ZNF26: variants seen among roughly 807,000 people sequenced by gnomAD.
ZNF26 encodes zinc finger protein 26.
Under a neutral mutation model 54.9 loss-of-function variants are expected in ZNF26, and 32 were observed. The ratio of observed to expected loss-of-function variants is 0.58; its 90% CI spans 0.44 to 0.78. ZNF26 has a LOEUF of 0.78. Ranked by LOEUF, ZNF26 falls within the 30% of genes least tolerant of loss-of-function variation. The pLI is 0.00. For missense variants in ZNF26, 524 were observed against 634.0 expected (o/e 0.83, Z 1.86); for synonymous variants, 221 against 209.2 (o/e 1.06, Z -0.49).
chr12:132,992,575 T>A (rs926225211), intron 1 of ZNF26, among the ~76,000 whole-genome samples: 18 of 152,252 alleles, frequency 1.2e-4, no homozygotes, highest in Non-Finnish European at 2.9e-5. Context: ...GACTTGATGA[T>A]GTGGTTACAT....
At chr12:133,002,479 C>G (rs1263966765) in intron 1 of ZNF26, among the ~76,000 whole-genome samples, 1 of 152,058 alleles carries the variant, frequency 6.6e-6, no homozygotes, top group Non-Finnish European at 1.5e-5. Flanking sequence ...GAGCGAGAAG[C>G]CTTTCAGTGG....
At chr12:132,998,471 G>C (rs1953140202) in intron 1 of ZNF26, among the ~76,000 whole-genome samples, 1 of 152,060 alleles carries the variant, frequency 6.6e-6, no homozygotes, top group Non-Finnish European at 1.5e-5. Flanking sequence ...GGCCTTGCTG[G>C]AACTTTTTAA....
rs1953438070 is a variant in ZNF26, at chr12:133,010,215, A to T, written c.336A>T (p.Gly112=). The change falls in exon 4 of 4, where the codon GGA becomes GGT. Residue 112 remains glycine, a synonymous_variant. Coordinates refer to ENST00000328654, the MANE Select transcript of ZNF26 (RefSeq NM_019591.4). The part of the protein sequence containing the change: ...IERSYACSVL[G]RLNLSKTHDS... ...GAAGCTATGCTTGTAGTGTGTTGGG[A>T]AGACTTAATCTGAGCAAAACCCATG... 1 of 1,614,068 alleles carries T rather than the reference A, an allele frequency of 6.2e-7. No individual in the cohort carries two copies. The highest frequency in any genetic ancestry group is 1.3e-5 in the African/African-American group (1 of 75,022).
rs1953627123 is a variant in ZNF26, at chr12:133,020,557, T to C, written c.*9076T>C. The C allele has an allele frequency of 2.6e-5, 4 of 152,184 alleles. No individual in the cohort carries two copies. The highest frequency in any genetic ancestry group is 4.4e-5 in the Non-Finnish European group (3 of 68,024). The allele number at this position is 152,184 out of a possible 1,614,324, so 9.4% of individuals were successfully genotyped here. ...TACCTAATAACAGCACCAAAATACA[T>C]GAAGCAAAATCTGACAGAAATGAAG... On this transcript the variant is annotated 3_prime_UTR_variant, in exon 4 of 4. Coordinates refer to ENST00000328654, the MANE Select transcript of ZNF26 (RefSeq NM_019591.4).
chr12:133,010,947 A>G lies in ZNF26; in HGVS notation c.1068A>G (p.Gln356=). Residue 356 remains glutamine (Q), a synonymous_variant, in exon 4 of 4, where the codon CAA becomes CAG. Transcript: ENST00000328654. ...GGAAAGCCTTCAATATGAAGACACA[A>G]CTCATTGTACATCAGGGAGTTCACA... ...DCGKAFNMKT[Q]LIVHQGVHTG... is the part of the protein sequence containing the mutation. 11 of 1,613,798 alleles carry G rather than the reference A, an allele frequency of 6.8e-6. No homozygotes were observed. Among genetic ancestry groups the G allele is most frequent in the Non-Finnish European group, 9.3e-6 (11 of 1,179,954 alleles).
Position 133,013,110 on chromosome 12 carries a change from C to A in ZNF26, c.*1629C>A, listed in dbSNP as rs1953518020. 4 of 152,174 alleles carry A rather than the reference C, an allele frequency of 2.6e-5. No homozygotes were observed. Among genetic ancestry groups the A allele is most frequent in the African/African-American group, 9.7e-5 (4 of 41,430 alleles). The allele number at this position is 152,174 out of a possible 1,614,324, so 9.4% of individuals were successfully genotyped here. ...GCCTGATACTGAAATTTTGGAAACACTGAAGAATTATAGCATTATAAGAAT... is the reference window on the plus strand; with the variant it reads ...GCCTGATACTGAAATTTTGGAAACAATGAAGAATTATAGCATTATAAGAAT... On this transcript the variant is annotated 3_prime_UTR_variant, in exon 4 of 4. Coordinates refer to ENST00000328654, the MANE Select transcript of ZNF26 (RefSeq NM_019591.4).
intron 1 of ZNF26, chr12:132,987,778 C>G (rs903030887): frequency 1.2e-5 from 12 of 973,624 alleles, no homozygotes; most frequent in Non-Finnish European, 1.5e-5. Context: ...GGTGAGGACT[C>G]AGGTTAATGA....
At chr12:132,994,579 A>C (rs922933091) in intron 1 of ZNF26, among the ~76,000 whole-genome samples, 2 of 152,086 alleles carry the variant, frequency 1.3e-5, no homozygotes, top group Non-Finnish European at 2.9e-5. Flanking sequence ...TTTTTAATGC[A>C]TATGTTTATA....
At position 132,986,785 on chromosome 12, in the gene ZNF26, T is replaced by C; in HGVS notation, c.-56T>C. The C allele has an allele frequency of 1.3e-6, 2 of 1,561,608 alleles. No individual in the cohort carries two copies. On this transcript the variant is annotated 5_prime_UTR_variant, in exon 1 of 4. Transcript: ENST00000328654. ...TCGGGCGGACGCATCCCTCACGGTC[T>C]CTCCGCAGCCCGCGGGTCCTGCCCC...
Position 133,010,817 on chromosome 12 carries a change from C to T in ZNF26, c.938C>T (p.Pro313Leu), listed in dbSNP as rs1953454426. 1.2e-6 allele frequency: 2 copies of T among 1,613,866 alleles called. No homozygotes were observed. The highest frequency in any genetic ancestry group is 1.7e-5 in the Admixed American group (1 of 59,998). ...VHQRTHTGVKPHKCSECGKAF... is the reference protein window; with the variant it reads ...VHQRTHTGVKLHKCSECGKAF... ...CAGAGAACTCATACAGGAGTGAAACCCCATAAATGCAGTGAATGTGGGAAA... is the reference window on the plus strand; with the variant it reads ...CAGAGAACTCATACAGGAGTGAAACTCCATAAATGCAGTGAATGTGGGAAA... The change falls in exon 4 of 4, where the codon CCC becomes CTC. Residue 313 changes from proline (P) to leucine (L), a missense_variant. Pro to Leu is a moderately conservative substitution (Grantham distance 98). Transcript: ENST00000328654.
Position 132,986,710 on chromosome 12 carries a change from C to A in ZNF26, c.-131C>A, listed in dbSNP as rs1473379055. The A allele has an allele frequency of 1.2e-5, 12 of 978,052 alleles. No homozygotes were observed. Among genetic ancestry groups the A allele is most frequent in the Non-Finnish European group, 1.6e-5 (11 of 667,902 alleles). 60.6% of individuals were successfully genotyped at this position (978,052 alleles called of 1,614,324 possible). Reference sequence around the variant, plus strand: ...GAGGAGCCGGCGTCCCTGCCAACGACTCGGCCCCGGGACGGTCAGGAGCCT... The same window carrying A: ...GAGGAGCCGGCGTCCCTGCCAACGAATCGGCCCCGGGACGGTCAGGAGCCT... On this transcript the variant is annotated 5_prime_UTR_variant, in exon 1 of 4. Coordinates refer to ENST00000328654, the MANE Select transcript of ZNF26 (RefSeq NM_019591.4).
Position 133,010,968 on chromosome 12 carries a change from TCA to T in ZNF26, c.1094_1095del (p.Thr365ArgfsTer3). ...CACAACTCATTGTACATCAGGGAGT[TCA>T]CACAGGAAATAATCCTTATCAATGC... The part of the protein sequence containing the change: ...KTQLIVHQGV[H>X]TGNNPYQCGE... On this transcript the variant is annotated frameshift_variant, in exon 4 of 4. Coordinates refer to ENST00000328654, the MANE Select transcript of ZNF26 (RefSeq NM_019591.4). LOFTEE classifies it high-confidence loss of function. The T allele has an allele frequency of 6.2e-7, 1 of 1,614,130 alleles. No individual in the cohort carries two copies. Among genetic ancestry groups the T allele is most frequent in the Non-Finnish European group, 8.5e-7 (1 of 1,180,020 alleles).
chr12:132,998,240 C>G (rs1433899026), intron 1 of ZNF26, among the ~76,000 whole-genome samples: 1 of 151,120 alleles, frequency 6.6e-6, no homozygotes, highest in East Asian at 1.9e-4. Flanking sequence ...GATCTTGGCT[C>G]ACTGCAACCT....
rs570538935 is a variant in ZNF26 at position 132,992,946 on chromosome 12, A to G, written c.33+6073A>G. Among the ~76,000 whole-genome samples, 11 of 150,570 alleles carry G rather than the reference A, an allele frequency of 7.3e-5. No individual in the cohort carries two copies. In the South Asian group the frequency reaches 2.3e-3, roughly 32 times the overall value. ...CTTAAGTTCAAAGATTTTTTTCCTC[A>G]ATCTCGTGCAGTCTACATAATACAT... On this transcript the variant is annotated intron_variant, in intron 1 of 3. Coordinates refer to ENST00000328654, the MANE Select transcript of ZNF26 (RefSeq NM_019591.4).
intron 1 of ZNF26, chr12:132,995,114 C>T (rs1370847845): frequency 1.3e-5 from 2 of 152,242 alleles, no homozygotes; most frequent in African/African-American, 4.8e-5. Context: ...AATGACTTCA[C>T]ATTCCCAGTA....
In ZNF26 at chr12:133,001,209, G is replaced by A. The variant is rs898905628; in HGVS notation, c.34-5833G>A. Among the ~76,000 whole-genome samples the A allele has an allele frequency of 3.3e-5, 5 of 152,164 alleles. No homozygotes were observed. The highest frequency in any genetic ancestry group is 7.3e-5 in the Non-Finnish European group (5 of 68,040). On this transcript the variant is annotated intron_variant, in intron 1 of 3. Transcript: ENST00000328654. This position sits in a 1 kb window ranked among gnomAD's most constrained non-coding sequence, Gnocchi z 4.7. ...TCAGCCCTTCCCTAGTGCTCGTCGT[G>A]AGGAGAGCTGATGATGCTCTGGTCA...
chr12:133,004,415 G>A (rs1302868462), intron 1 of ZNF26: 1 of 152,060 alleles, frequency 6.6e-6, no homozygotes, highest in African/African-American at 2.4e-5. Flanking sequence ...ATGTTCTGCT[G>A]ATTTCAGTGC....
intron 1 of ZNF26, among the ~76,000 whole-genome samples, chr12:133,003,855 A>T (rs1953270548): frequency 6.6e-6 from 1 of 152,118 alleles, no homozygotes; most frequent in African/African-American, 2.4e-5. Context: ...GGGCAAGAGG[A>T]GTCTGTTGGC....
chr12:133,005,943 T>C (rs1232237788), intron 1 of ZNF26: 1 of 252,058 alleles, frequency 4.0e-6, no homozygotes, highest in African/African-American at 2.3e-5. Flanking sequence ...GTCTGAAATA[T>C]TTGTTGTTCC....
Sources: gnomAD v4.1 joint callset for allele counts (sites outside exome capture counted in the v4.1 genomes callset) on GRCh38, gnomAD v4.1.1 for gene constraint, Gnocchi (gnomAD v3.1) non-coding constraint, MANE v1.5 for transcripts, NCBI Gene and HGNC (gene_info 2026-07-23, HGNC 2026-07-21) for gene names.